The following PREX2 variants were observed in gnomAD, a reference collection of about 807,000 sequenced individuals.
The protein encoded by PREX2 is phosphatidylinositol 3,4,5-trisphosphate-dependent Rac exchanger 2 protein.
PREX2 carries 107 observed loss-of-function variants against 203.2 expected under a neutral mutation model. That is an observed-to-expected ratio of 0.53 (90% CI 0.45 to 0.62). The LOEUF (loss-of-function observed/expected upper bound fraction) is 0.62. PREX2 is among the 20% of genes least tolerant of loss of function. The pLI, the probability that PREX2 is intolerant of heterozygous loss-of-function variation, is 0.00. For synonymous variants in PREX2, 672 were observed against 663.6 expected (o/e 1.01, Z -0.19); for missense variants, 1,777 against 1,955.9 (o/e 0.91, Z 1.72).
At chr8:68,156,095 C>T (rs1415686272) in intron 34 of PREX2, among the ~76,000 whole-genome samples, 1 of 152,160 alleles carries the variant, frequency 6.6e-6, no homozygotes, top group Non-Finnish European at 1.5e-5. Flanking sequence ...GAGTCTTACT[C>T]TGTCCCCCAG....
Position 68,134,181 on chromosome 8 carries a change from G to C in PREX2, c.3889G>C (p.Glu1297Gln). Residue 1297 changes from glutamate to glutamine, a missense_variant, in exon 32 of 40, where the codon GAG becomes CAG. By Grantham distance (29) the Glu-to-Gln change is conservative. Transcript: ENST00000288368. ...NQMFDNSKEN[E>Q]METWEASRRW... ...GATGTTTGACAACAGCAAGGAAAAT[G>C]AGATGGAAACTTGGGAAGCCAGCAG... 5 of 1,614,136 alleles carry C rather than the reference G, an allele frequency of 3.1e-6. No individual in the cohort carries two copies. Among genetic ancestry groups the C allele is most frequent in the Non-Finnish European group, 4.2e-6 (5 of 1,180,004 alleles).
intron 23 of PREX2, chr8:68,106,190 A>T (rs554482234): frequency 5.0e-6 from 2 of 400,118 alleles, no homozygotes; most frequent in Admixed American, 7.0e-5. Context: ...ATTATGGTGG[A>T]TGCTGTTACC....
At chr8:68,019,798 T>C (rs1807512605) in intron 3 of PREX2, 127 bp downstream of exon 3, 1 of 843,370 alleles carries the variant, frequency 1.2e-6, no homozygotes, top group East Asian at 2.5e-5. Context: ...TTAAGGTCTT[T>C]TAAGGCCAAT....
intron 1 of PREX2, among the ~76,000 whole-genome samples, chr8:68,016,949 A>G (rs902957132): frequency 2.6e-5 from 4 of 152,138 alleles, no homozygotes; most frequent in African/African-American, 7.2e-5. Context: ...TATATTGTCA[A>G]TTTGCCCTCT....
chr8:68,139,516 A>G (rs1452338495), intron 33 of PREX2, among the ~76,000 whole-genome samples: 2 of 152,160 alleles, frequency 1.3e-5, no homozygotes, highest in Non-Finnish European at 2.9e-5. Context: ...TAACCATGAC[A>G]TTGAACTGAT....
chr8:68,179,984 A>G (rs1039511918), intron 35 of PREX2, among the ~76,000 whole-genome samples: 1 of 151,942 alleles, frequency 6.6e-6, no homozygotes, highest in African/African-American at 2.4e-5. Flanking sequence ...GATTGTCTCT[A>G]TTTCTCCTCT....
Position 68,213,367 on chromosome 8 carries a change from G to T in PREX2, c.4605-4249G>T, listed in dbSNP as rs556139140. ...GAACACAGTGCTAAGGCCCCTCCCAGAACCTGGAAAGGGATTCGTACAAGT... is the reference window on the plus strand; with the variant it reads ...GAACACAGTGCTAAGGCCCCTCCCATAACCTGGAAAGGGATTCGTACAAGT... On this transcript the variant is annotated intron_variant, in intron 37 of 39. Transcript: ENST00000288368. Among the ~76,000 whole-genome samples the T allele has an allele frequency of 1.2e-3, 179 of 152,270 alleles. 1 individual carries two copies. The highest frequency in any genetic ancestry group is 5.4e-3 in the East Asian group (28 of 5,186).
chr8:68,188,350 G>A (rs1452916030), intron 35 of PREX2, among the ~76,000 whole-genome samples: 1 of 152,106 alleles, frequency 6.6e-6, no homozygotes, highest in South Asian at 2.1e-4. Context: ...CACTTCAAAT[G>A]AACTTACAAA....
intron 20 of PREX2, among the ~76,000 whole-genome samples, chr8:68,091,427 C>T (rs1809870317): frequency 6.6e-6 from 1 of 152,146 alleles, no homozygotes; most frequent in East Asian, 1.9e-4. Flanking sequence ...GCAGGCAGAA[C>T]TTTACAGGAG....
Position 68,087,791 on chromosome 8 carries a change from G to A in PREX2, c.2095G>A (p.Val699Met), listed in dbSNP as rs1483066178. The A allele has an allele frequency of 3.7e-6, 6 of 1,613,288 alleles. No individual in the cohort carries two copies. Among genetic ancestry groups the A allele is most frequent in the Non-Finnish European group, 5.1e-6 (6 of 1,179,464 alleles). Residue 699 changes from valine (V) to methionine (M), a missense_variant, in exon 19 of 40, where the codon GTG becomes ATG. By Grantham distance (21) the Val-to-Met change is conservative (BLOSUM62 1). Transcript: ENST00000288368. ...FQIRGFGPSV[V>M]HAVGRGTVAA... ...GATCCGGGGATTTGGCCCTTCTGTT[G>A]TGCATGCTGTAGGAAGAGGTAGGAA...
At chr8:68,136,966 C>T (rs889206721) in intron 32 of PREX2, among the ~76,000 whole-genome samples, 7 of 150,334 alleles carry the variant, frequency 4.7e-5, no homozygotes, top group South Asian at 4.2e-4. Context: ...AGTGCAGTGG[C>T]GCAATCTCAG....
At chr8:68,137,270 A>T (rs1369717773) in intron 32 of PREX2, among the ~76,000 whole-genome samples, 1 of 151,458 alleles carries the variant, frequency 6.6e-6, no homozygotes, top group Non-Finnish European at 1.5e-5. Context: ...GATCATTGAC[A>T]TTTTATTTTT....
chr8:68,079,821 A>G (rs2129611872), intron 15 of PREX2, among the ~76,000 whole-genome samples: 1 of 152,258 alleles, frequency 6.6e-6, no homozygotes, highest in African/African-American at 2.4e-5. Context: ...ATGTTCAGAT[A>G]AGGGGGAAGA....
At chr8:68,057,113 G>T (rs1299307974) in intron 10 of PREX2, among the ~76,000 whole-genome samples, 1 of 152,066 alleles carries the variant, frequency 6.6e-6, no homozygotes, top group Admixed American at 6.5e-5. Context: ...GGGATCATGG[G>T]GGTGGCTTCC....
chr8:67,968,461 T>A (rs952597204), intron 1 of PREX2, among the ~76,000 whole-genome samples: 8 of 152,210 alleles, frequency 5.3e-5, no homozygotes, highest in African/African-American at 1.9e-4. Flanking sequence ...AATAGCTTTA[T>A]TACCATCATC....
intron 1 of PREX2, among the ~76,000 whole-genome samples, chr8:68,008,322 C>T (rs947620181): frequency 1.8e-4 from 28 of 151,968 alleles, no homozygotes; most frequent in African/African-American, 5.8e-4. Flanking sequence ...TTACTTTATA[C>T]GAATTCCCTT....
chr8:68,097,644 T>A (rs963969711), intron 22 of PREX2, among the ~76,000 whole-genome samples: 5 of 152,194 alleles, frequency 3.3e-5, no homozygotes, highest in Admixed American at 3.3e-4. Flanking sequence ...TTCTTATTTT[T>A]CTCCCCCTCC....
At chr8:68,120,786 T>C in intron 29 of PREX2, 135 bp from the exon 30 acceptor site, 1 of 698,548 alleles carries the variant, frequency 1.4e-6, no homozygotes. Flanking sequence ...ACGGATTTTC[T>C]GATGGTGTGG....
At chr8:67,980,007 T>C (rs540648374) in intron 1 of PREX2, among the ~76,000 whole-genome samples, 2 of 152,316 alleles carry the variant, frequency 1.3e-5, no homozygotes, top group African/African-American at 4.8e-5. Flanking sequence ...AGCAACTCCT[T>C]CTGCTTAGGG....
Sources: gnomAD v4.1 joint callset for allele counts (sites outside exome capture counted in the v4.1 genomes callset) on GRCh38, gnomAD v4.1.1 for gene constraint, MANE v1.5 for transcripts, NCBI Gene and HGNC (gene_info 2026-07-23, HGNC 2026-07-21) for gene names.